Variants in MANBAL observed in about 807,000 individuals in gnomAD.
MANBAL encodes protein MANBAL.
A neutral mutation model predicts 6.4 loss-of-function variants in MANBAL; 1 was observed. The observed-to-expected ratio is 0.16, with a 90% CI of 0.06 to 0.74. The LOEUF is 0.74. Among genes scored for constraint, MANBAL ranks in the 30% least tolerant of loss-of-function variants. The pLI is 0.78. For synonymous variants in MANBAL, 47 were observed against 45.8 expected (o/e 1.03, Z -0.10); for missense variants, 100 against 107.8 (o/e 0.93, Z 0.32).
At chr20:37,290,129 A>G (rs2068832331) in intron 1 of MANBAL, among the ~76,000 whole-genome samples, 3 of 152,264 alleles carry the variant, frequency 2.0e-5, no homozygotes, top group South Asian at 4.1e-4. Context: ...ACTGCGGGGT[A>G]AACCGAGGTG....
intron 1 of MANBAL, among the ~76,000 whole-genome samples, chr20:37,292,379 G>A (rs1468827154): frequency 6.6e-6 from 1 of 152,136 alleles, no homozygotes; most frequent in African/African-American, 2.4e-5. Flanking sequence ...TTGGCTCACT[G>A]CAACCTCCAC....
At chr20:37,308,647 A>C (rs1314334932) in intron 2 of MANBAL, among the ~76,000 whole-genome samples, 1 of 152,144 alleles carries the variant, frequency 6.6e-6, no homozygotes, top group Non-Finnish European at 1.5e-5. Context: ...GCCTCTCTAC[A>C]TGGAGTGCAG....
chr20:37,299,972 G>A lies in MANBAL; in HGVS notation c.-56-1236G>A, dbSNP rs145324458. Among the ~76,000 whole-genome samples, 562 of 152,282 alleles carry A rather than the reference G, an allele frequency of 3.7e-3. 2 individuals are homozygous for A. The highest frequency in any genetic ancestry group is 0.014 in the Middle Eastern group (4 of 294). The stretch of plus-strand genomic sequence containing the variant: ...GAGAGCTGGGCTGAGGCTGGACCTT[G>A]CACCACTGGCCACCACTGCCCCTGT... On this transcript the variant is annotated intron_variant, in intron 1 of 2. Transcript: ENST00000373606.
At chr20:37,300,229 C>A (rs2069102227) in intron 1 of MANBAL, among the ~76,000 whole-genome samples, 2 of 152,332 alleles carry the variant, frequency 1.3e-5, no homozygotes, top group African/African-American at 4.8e-5. Context: ...TTCCACCCTC[C>A]CTCCTGATCA....
At chr20:37,302,438 G>T (rs1322119005) in intron 2 of MANBAL, 2 of 1,294,414 alleles carry the variant, frequency 1.5e-6, no homozygotes, top group African/African-American at 3.0e-5. Context: ...GGGTTTAGGT[G>T]GTATCAGCTG....
At chr20:37,293,298 T>C (rs2068915047) in intron 1 of MANBAL, among the ~76,000 whole-genome samples, 1 of 152,194 alleles carries the variant, frequency 6.6e-6, no homozygotes, top group Non-Finnish European at 1.5e-5. Flanking sequence ...TTCCTACAAC[T>C]AGACAGTCCC....
rs1600919711 is a variant in MANBAL, at chr20:37,311,462, T to C, written c.151-4846T>C. On this transcript the variant is annotated intron_variant, in intron 2 of 2. Coordinates refer to ENST00000373606, the MANE Select transcript of MANBAL (RefSeq NM_001003897.2). ...ACACGATTGGGATTGTTGTTGTCATTGTTTTTTTTATTTGTTTGTTTGTTT... is the reference window on the plus strand; with the variant it reads ...ACACGATTGGGATTGTTGTTGTCATCGTTTTTTTTATTTGTTTGTTTGTTT... Among the ~76,000 whole-genome samples, 4 of 152,280 alleles carry C rather than the reference T, an allele frequency of 2.6e-5. No individual in the cohort carries two copies. The Middle Eastern group carries it at 0.014, about 518-fold the overall frequency.
At chr20:37,297,846 T>C (rs1600900429) in intron 1 of MANBAL, among the ~76,000 whole-genome samples, 1 of 152,124 alleles carries the variant, frequency 6.6e-6, no homozygotes, top group Admixed American at 6.5e-5. Context: ...GGTTTCTCCA[T>C]GTTGGTCAGG....
chr20:37,291,870 C>T (rs1568597110), intron 1 of MANBAL, among the ~76,000 whole-genome samples: 1 of 152,210 alleles, frequency 6.6e-6, no homozygotes, highest in Non-Finnish European at 1.5e-5. Context: ...GTGAGGCCTA[C>T]CCACCCATGT....
At chr20:37,309,492 AAGAC>A (rs2069332847) in intron 2 of MANBAL, among the ~76,000 whole-genome samples, 2 of 152,180 alleles carry the variant, frequency 1.3e-5, no homozygotes, top group Admixed American at 6.5e-5. Context: ...AGGTGCTGGG[AAGAC>A]AGACAGCCGG....
At chr20:37,305,157 A>T (rs957694739) in intron 2 of MANBAL, among the ~76,000 whole-genome samples, 2 of 152,246 alleles carry the variant, frequency 1.3e-5, no homozygotes, top group African/African-American at 4.8e-5. Flanking sequence ...ATCGCATTTT[A>T]AAAACATCAC....
intron 2 of MANBAL, among the ~76,000 whole-genome samples, chr20:37,302,934 G>A (rs540296702): frequency 2.9e-4 from 44 of 152,130 alleles, no homozygotes; most frequent in Non-Finnish European, 5.6e-4. Flanking sequence ...GTGTGTGCGA[G>A]ACAGGGTCTT....
intron 2 of MANBAL, among the ~76,000 whole-genome samples, chr20:37,308,959 G>A (rs1294262378): frequency 6.6e-6 from 1 of 152,188 alleles, no homozygotes; most frequent in African/African-American, 2.4e-5. Context: ...GCTTCTAGAA[G>A]GCAGGTCCTT....
At chr20:37,301,096 A>G (rs2069123142) in intron 1 of MANBAL, 112 bp from the exon 2 acceptor site, 1 of 595,724 alleles carries the variant, frequency 1.7e-6, no homozygotes, top group South Asian at 5.9e-5. Context: ...TGATCATGCC[A>G]TTGCACTCCA....
rs570602965 is a variant in MANBAL at position 37,302,129 on chromosome 20, T to G, written c.150+716T>G. On this transcript the variant is annotated intron_variant, in intron 2 of 2. Transcript: ENST00000373606. ...ACTATACACCCTCCTTCTACCCACT[T>G]TCTTGCCCACTCCCATTTGCTCGTG... 3.6e-6 allele frequency: 4 copies of G among 1,123,252 alleles called. No individual in the cohort carries two copies. In the East Asian group the frequency reaches 7.7e-5, roughly 22 times the overall value. The allele number at this position is 1,123,252 out of a possible 1,614,324, so 69.6% of individuals were successfully genotyped here.
At chr20:37,298,952 G>GT (rs960365053) in intron 1 of MANBAL, 28 of 152,128 alleles carry the variant, frequency 1.8e-4, no homozygotes, top group African/African-American at 6.5e-4. Flanking sequence ...GCCCAGGCTG[G>GT]TTTCAAACTC....
At chr20:37,302,424 C>T (rs572956032) in intron 2 of MANBAL, 235 of 1,464,700 alleles carry the variant, frequency 1.6e-4, no homozygotes, top group African/African-American at 5.2e-4. Context: ...TTGGATTGAT[C>T]GGTGGGTTTA....
At chr20:37,299,107 G>T (rs2069073275) in intron 1 of MANBAL, among the ~76,000 whole-genome samples, 1 of 151,834 alleles carries the variant, frequency 6.6e-6, no homozygotes, top group Admixed American at 6.6e-5. Context: ...TGGGGGCAGG[G>T]TCTCGCTCTG....
chr20:37,308,083 G>A (rs1311118720), intron 2 of MANBAL, among the ~76,000 whole-genome samples: 1 of 152,090 alleles, frequency 6.6e-6, no homozygotes, highest in East Asian at 1.9e-4. Flanking sequence ...CTGCTTGCTG[G>A]CCCTGTGGTG....
Sources: gnomAD v4.1 joint callset for allele counts (sites outside exome capture counted in the v4.1 genomes callset) on GRCh38, gnomAD v4.1.1 for gene constraint, MANE v1.5 for transcripts, NCBI Gene and HGNC (gene_info 2026-07-23, HGNC 2026-07-21) for gene names.